ATXN7: variants seen among roughly 807,000 people sequenced by gnomAD.
The protein encoded by ATXN7 is ataxin-7.
A neutral mutation model predicts 70.5 loss-of-function variants in ATXN7; 12 were observed. The observed-to-expected ratio is 0.17, with a 90% confidence interval of 0.11 to 0.28. The LOEUF (loss-of-function observed/expected upper bound fraction) is 0.28, where lower values mean the gene tolerates loss of function less well. Among genes scored for constraint, ATXN7 ranks in the 10% least tolerant of loss-of-function variants. The probability of loss-of-function intolerance (pLI) is 1.00; values close to 1 mark genes in which losing one functional copy is unlikely to be tolerated. For synonymous variants in ATXN7, 498 were observed against 448.7 expected (o/e 1.11, Z -1.39); for missense variants, 1,256 against 1,131.7 (o/e 1.11, Z -1.58).
intron 2 of ATXN7, chr3:63,901,816 AAAG>A (rs1217276465): frequency 6.6e-6 from 1 of 152,252 alleles, no homozygotes; most frequent in Non-Finnish European, 1.5e-5. Flanking sequence ...TAGCCATAAA[AAAG>A]AAGGAAGTAT....
chr3:63,874,366 T>C (rs763846212), intron 1 of ATXN7, among the ~76,000 whole-genome samples: 29 of 152,246 alleles, frequency 1.9e-4, no homozygotes, highest in Non-Finnish European at 3.2e-4. Flanking sequence ...AATACGCATG[T>C]TAGACTTTAT....
chr3:63,968,212 G>A (rs2075257983), intron 5 of ATXN7, among the ~76,000 whole-genome samples: 1 of 152,102 alleles, frequency 6.6e-6, no homozygotes, highest in South Asian at 2.1e-4. Context: ...GATCAGCGTG[G>A]GTAATCGCAG....
intron 5 of ATXN7, among the ~76,000 whole-genome samples, chr3:63,958,361 T>A (rs1252313675): frequency 1.3e-5 from 2 of 152,184 alleles, no homozygotes; most frequent in South Asian, 2.1e-4. Context: ...TTGAGCTAAG[T>A]AATTGGTTTC....
intron 4 of ATXN7, among the ~76,000 whole-genome samples, chr3:63,948,686 A>ATG (rs1215675075): frequency 1.3e-5 from 2 of 152,204 alleles, no homozygotes; most frequent in Non-Finnish European, 2.9e-5. Flanking sequence ...TTCATTCTGC[A>ATG]TGTGACTGAA....
chr3:63,912,691 G>GCAGCAGCCC lies in ATXN7; in HGVS notation c.100_101insCCCAGCAGC (p.Gln33_Gln34insProGlnGln), dbSNP rs1704084660. On this transcript the variant is annotated inframe_insertion, in exon 3 of 13. Transcript: ENST00000674280. ...CAGCGGCCGCGGCCGCCCGGCAGCA[G>GCAGCAGCCC]CAGCAGCAGCAGCAGCAGCAGCAGC... 5 of 1,119,192 alleles carry GCAGCAGCCC rather than the reference G, an allele frequency of 4.5e-6. No homozygotes were observed. Among genetic ancestry groups the GCAGCAGCCC allele is most frequent in the Non-Finnish European group, 5.5e-6 (5 of 910,450 alleles). 69.3% of individuals were successfully genotyped at this position (1,119,192 alleles called of 1,614,324 possible).
intron 6 of ATXN7, 60 bp from the exon 7 acceptor site, chr3:63,982,126 A>G (rs1426465758): frequency 1.2e-6 from 2 of 1,607,606 alleles, no homozygotes; most frequent in African/African-American, 1.3e-5. Flanking sequence ...CTGGCTCACC[A>G]TTCACCTGGG....
At chr3:63,901,059 C>T (rs1167605129) in intron 2 of ATXN7, 1 of 152,220 alleles carries the variant, frequency 6.6e-6, no homozygotes, top group Non-Finnish European at 1.5e-5. Context: ...CTTATGGTCA[C>T]TGGGGATAAA....
intron 5 of ATXN7, among the ~76,000 whole-genome samples, chr3:63,964,087 C>T (rs1263916110): frequency 6.6e-6 from 1 of 150,918 alleles, no homozygotes; most frequent in Non-Finnish European, 1.5e-5. Flanking sequence ...CACACACACA[C>T]ACACACACAC....
At chr3:63,868,756 C>G (rs1480382618) in intron 1 of ATXN7, among the ~76,000 whole-genome samples, 1 of 152,098 alleles carries the variant, frequency 6.6e-6, no homozygotes, top group Non-Finnish European at 1.5e-5. Context: ...CACTTATAAT[C>G]TGAATTAAAA....
intron 4 of ATXN7, among the ~76,000 whole-genome samples, chr3:63,938,281 T>C (rs1031083452): frequency 6.6e-6 from 1 of 152,210 alleles, no homozygotes; most frequent in Admixed American, 6.5e-5. Flanking sequence ...GTATTGCCAT[T>C]AGGTCTTCTA....
chr3:63,897,695 G>C (rs1703488312), intron 1 of ATXN7, among the ~76,000 whole-genome samples: 1 of 152,180 alleles, frequency 6.6e-6, no homozygotes, highest in Admixed American at 6.5e-5. Flanking sequence ...CTGCCCGATA[G>C]CTGTGTCATT....
At chr3:63,959,957 A>G (rs563762636) in intron 5 of ATXN7, among the ~76,000 whole-genome samples, 2 of 152,322 alleles carry the variant, frequency 1.3e-5, no homozygotes, top group South Asian at 2.1e-4. Flanking sequence ...CATGCACCTT[A>G]TATTCTGACT....
At chr3:63,864,313 G>A (rs1702334802) in intron 1 of ATXN7, among the ~76,000 whole-genome samples, 155 bp downstream of exon 1, 1 of 151,926 alleles carries the variant, frequency 6.6e-6, no homozygotes, top group Non-Finnish European at 1.5e-5. Flanking sequence ...TTTCCCTGGG[G>A]GGTGGGGAGG....
intron 7 of ATXN7, among the ~76,000 whole-genome samples, 187 bp downstream of exon 7, chr3:63,982,632 G>GTGTGTT (rs1330094080): frequency 6.8e-6 from 1 of 147,226 alleles, no homozygotes; most frequent in Non-Finnish European, 1.5e-5. Flanking sequence ...GAGTGTGTGT[G>GTGTGTT]TGTGTGTGTG....
chr3:63,946,636 C>T (rs978519850), intron 4 of ATXN7, among the ~76,000 whole-genome samples: 1 of 140,528 alleles, frequency 7.1e-6, no homozygotes, highest in Non-Finnish European at 1.5e-5. Context: ...GAGCGAGACT[C>T]TGTCTCAAAA....
At chr3:63,875,306 G>T (rs1187054501) in intron 1 of ATXN7, among the ~76,000 whole-genome samples, 1 of 152,116 alleles carries the variant, frequency 6.6e-6, no homozygotes, top group South Asian at 2.1e-4. Flanking sequence ...TGCCCATGCT[G>T]GTCTTGAACT....
chr3:63,988,345 C>G (rs1016873286), intron 9 of ATXN7, 21 bp downstream of exon 9: 3 of 1,613,430 alleles, frequency 1.9e-6, no homozygotes, highest in Non-Finnish European at 2.5e-6. Flanking sequence ...CCCTCCAACT[C>G]TTTCTCCCAC....
chr3:63,941,570 A>T (rs955679170), intron 4 of ATXN7, among the ~76,000 whole-genome samples: 6 of 152,156 alleles, frequency 3.9e-5, no homozygotes, highest in Admixed American at 6.5e-5. Context: ...GGTGCCAGAA[A>T]GGTTGGGGAC....
intron 5 of ATXN7, among the ~76,000 whole-genome samples, chr3:63,957,829 A>C (rs2075063682): frequency 6.6e-6 from 1 of 152,222 alleles, no homozygotes; most frequent in Non-Finnish European, 1.5e-5. Context: ...AAGTTCTTGA[A>C]TTTTGTTAAA....
Sources: allele counts gnomAD v4.1 joint callset (sites outside exome capture counted in the v4.1 genomes callset), GRCh38; gene constraint gnomAD v4.1.1; transcripts MANE v1.5; gene names NCBI Gene and HGNC (gene_info 2026-07-23, HGNC 2026-07-21).